The following NSD1 variants were observed in gnomAD, a reference collection of about 807,000 sequenced individuals.
NSD1 encodes the protein histone-lysine N-methyltransferase, H3 lysine-36 specific.
Under a neutral mutation model 242.7 loss-of-function variants are expected in NSD1, and 26 were observed. That is an observed-to-expected ratio of 0.11 (90% CI 0.08 to 0.15). The LOEUF is 0.15. Ranked by LOEUF, NSD1 falls within the 10% of genes least tolerant of loss-of-function variation. The pLI is 1.00. For missense variants in NSD1, 2,495 were observed against 3,272.8 expected (o/e 0.76, Z 5.80); for synonymous variants, 1,106 against 1,178.1 (o/e 0.94, Z 1.25).
chr5:177,209,528 C>CA lies in NSD1; in HGVS notation c.1237-92dup, dbSNP rs560987364. The CA allele has an allele frequency of 0.09, 51,104 of 569,768 alleles. 188 individuals carry two copies. The highest frequency in any genetic ancestry group is 0.11 in the Middle Eastern group (231 of 2,026). The allele number at this position is 569,768 out of a possible 1,614,324, so 35.3% of individuals were successfully genotyped here. ...TGGGCGACAGAGCAAGACTCTGTCT[C>CA]AAAAAAAAAAAAAAAAGGAATAAAA... is the stretch of plus-strand genomic sequence containing the variant. On this transcript the variant is annotated intron_variant, in intron 4 of 22. Coordinates refer to ENST00000439151, the MANE Select transcript of NSD1 (RefSeq NM_022455.5).
At chr5:177,186,228 C>G (rs73345899) in intron 2 of NSD1, among the ~76,000 whole-genome samples, 5,845 of 147,270 alleles carry the variant, frequency 0.04, 392 homozygotes, top group African/African-American at 0.14. Context: ...GAGGTGGAAG[C>G]TGCAATGGGC....
chr5:177,266,420 C>G (rs1027323323), intron 14 of NSD1: 8 of 628,320 alleles, frequency 1.3e-5, no homozygotes, highest in Non-Finnish European at 2.1e-5. Context: ...TCCAGCACCA[C>G]CTTGTCTTTA....
At position 177,299,556 on chromosome 5, in the gene NSD1, C is replaced by T. The variant is rs1760459708; in HGVS notation, c.*4097C>T. The T allele has an allele frequency of 4.3e-6, 1 of 233,208 alleles. No individual in the cohort carries two copies. Among genetic ancestry groups the T allele is most frequent in the African/African-American group, 2.2e-5 (1 of 45,366 alleles). 14.4% of individuals were successfully genotyped at this position (233,208 alleles called of 1,614,324 possible). A position where few individuals can be genotyped will look rare whatever the true frequency, so the allele number is the denominator to read the frequency against. On this transcript the variant is annotated 3_prime_UTR_variant, in exon 23 of 23. Transcript: ENST00000439151. ...TCTCTACCTCTTCCACTCATGGAAG[C>T]CCCTCTACTGCTTATGAAGATTAAG...
rs762327687 is a variant in NSD1, at chr5:177,244,229, C to G, written c.4337C>G (p.Thr1446Ser). Residue 1446 changes from threonine to serine, a missense_variant, in exon 9 of 23, where the codon ACT becomes AGT. Thr to Ser is a moderately conservative substitution (Grantham distance 58, BLOSUM62 1). This residue lies in a region of NSD1 where 100 missense variants were observed against 190.7 expected (regional missense o/e 0.52). Coordinates refer to ENST00000439151, the MANE Select transcript of NSD1 (RefSeq NM_022455.5). The stretch of plus-strand genomic sequence containing the variant: ...GCTGGTCACCTGGAGAATGGCATAA[C>G]TGAATCTTGTGCCACATCTTATTCA... ...YEAGHLENGITESCATSYSKD... is the reference protein window; with the variant it reads ...YEAGHLENGISESCATSYSKD... The G allele has an allele frequency of 1.2e-6, 2 of 1,613,592 alleles. No individual in the cohort carries two copies. Among genetic ancestry groups the G allele is most frequent in the Admixed American group, 3.3e-5 (2 of 60,008 alleles).
intron 4 of NSD1, among the ~76,000 whole-genome samples, chr5:177,206,722 C>T (rs915384366): frequency 3.9e-5 from 6 of 152,098 alleles, no homozygotes; most frequent in South Asian, 2.1e-4. Context: ...AGGGATGTGT[C>T]GGTTATTTTG....
At chr5:177,198,771 C>G (rs1762291705) in intron 3 of NSD1, among the ~76,000 whole-genome samples, 2 of 152,106 alleles carry the variant, frequency 1.3e-5, no homozygotes, top group African/African-American at 4.8e-5. Context: ...GAATTCATAT[C>G]CTTAGTGATA....
intron 17 of NSD1, among the ~76,000 whole-genome samples, chr5:177,275,993 C>G (rs963116495): frequency 2.0e-5 from 3 of 152,204 alleles, no homozygotes; most frequent in Non-Finnish European, 4.4e-5. Flanking sequence ...GCAATTTTGG[C>G]TCACTGCAAC....
Position 177,135,684 on chromosome 5 carries a change from A to G in NSD1, c.581A>G (p.Asn194Ser), listed in dbSNP as rs769401719. The change falls in exon 2 of 23, where the codon AAT (asparagine) becomes AGT (serine). Residue 194 changes from asparagine to serine, a missense_variant. Physicochemically the swap from Asn to Ser is conservative, Grantham distance 46 (BLOSUM62 1). Coordinates refer to ENST00000439151, the MANE Select transcript of NSD1 (RefSeq NM_022455.5). Reference sequence around the variant, plus strand: ...GAAACTCAGACCAATGCCACCTGCAATTATGAGACTAAATCAGAGAATGGT... The same window carrying G: ...GAAACTCAGACCAATGCCACCTGCAGTTATGAGACTAAATCAGAGAATGGT... ...FEETQTNATC[N>S]YETKSENGVK... The G allele has an allele frequency of 9.9e-6, 16 of 1,614,128 alleles. No individual in the cohort carries two copies. In the East Asian group the frequency reaches 1.1e-4, roughly 11 times the overall value.
chr5:177,217,216 C>G (rs1763844446), intron 5 of NSD1, among the ~76,000 whole-genome samples: 1 of 152,064 alleles, frequency 6.6e-6, no homozygotes, highest in African/African-American at 2.4e-5. Context: ...AACCATTTCT[C>G]CTCCTTGGTT....
Position 177,294,625 on chromosome 5 carries a change from A to G in NSD1, c.7257A>G (p.Pro2419=). The change falls in exon 23 of 23, where the codon CCA becomes CCG. Residue 2419 remains proline, a synonymous_variant. Coordinates refer to ENST00000439151, the MANE Select transcript of NSD1 (RefSeq NM_022455.5). ...ATGCCTCTTTGTCCCAGAGACTCCC[A>G]CCTCCTGAGAAAGTACTATCAGCTG... is the stretch of plus-strand genomic sequence containing the variant. ...KPHASLSQRL[P]PPEKVLSAVV... The G allele has an allele frequency of 6.2e-7, 1 of 1,614,068 alleles. No individual in the cohort carries two copies. The highest frequency in any genetic ancestry group is 2.2e-5 in the East Asian group (1 of 44,876).
intron 14 of NSD1, 50 bp downstream of exon 14, chr5:177,260,218 A>G (rs201940301): frequency 6.5e-7 from 1 of 1,547,002 alleles, no homozygotes; most frequent in Admixed American, 1.8e-5. Flanking sequence ...GGATTAAATC[A>G]ATGTTTTAAT....
chr5:177,258,178 C>T (rs1417805799), intron 13 of NSD1, among the ~76,000 whole-genome samples: 1 of 151,488 alleles, frequency 6.6e-6, no homozygotes, highest in Non-Finnish European at 1.5e-5. Flanking sequence ...CAGAGTTTCT[C>T]CATGTTGGTC....
rs570547590 is a variant in NSD1 at position 177,298,426 on chromosome 5, T to G, written c.*2967T>G. 11 of 233,232 alleles carry G rather than the reference T, an allele frequency of 4.7e-5. No individual in the cohort carries two copies. Among genetic ancestry groups the G allele is most frequent in the South Asian group, 1.8e-4 (1 of 5,520 alleles). The allele number at this position is 233,232 out of a possible 1,614,324, so 14.4% of individuals were successfully genotyped here. A position where few individuals can be genotyped will look rare whatever the true frequency, so the allele number is the denominator to read the frequency against. ...TAGCCCTGCTAAGTCAGAAAAAGAT[T>G]ATGAAAAATGTTGAAATTTACATTC... On this transcript the variant is annotated 3_prime_UTR_variant, in exon 23 of 23. Transcript: ENST00000439151.
intron 2 of NSD1, among the ~76,000 whole-genome samples, chr5:177,139,729 A>G (rs981602205): frequency 3.9e-5 from 6 of 152,144 alleles, no homozygotes; most frequent in African/African-American, 1.4e-4. Flanking sequence ...CCGAGACAAA[A>G]GGATTGCTTG....
At chr5:177,251,677 C>T (rs1755981399) in intron 11 of NSD1, 53 bp from the exon 12 acceptor site, 7 of 1,600,158 alleles carry the variant, frequency 4.4e-6, no homozygotes, top group Non-Finnish European at 6.0e-6. Context: ...ACTGGTTTTA[C>T]TCTTGATTCT....
At position 177,210,476 on chromosome 5, in the gene NSD1, A is replaced by G. The variant is rs773782115; in HGVS notation, c.2077A>G (p.Asn693Asp). 1.2e-6 allele frequency: 2 copies of G among 1,614,174 alleles called. No individual in the cohort carries two copies. Among genetic ancestry groups the G allele is most frequent in the Non-Finnish European group, 1.7e-6 (2 of 1,180,020 alleles). Residue 693 changes from asparagine (N) to aspartate (D), a missense_variant, in exon 5 of 23, where the codon AAC becomes GAC. Physicochemically the swap from Asn to Asp is conservative, Grantham distance 23. This residue lies in a region of NSD1 where 515 missense variants were observed against 467.0 expected (regional missense o/e 1.10). Coordinates refer to ENST00000439151, the MANE Select transcript of NSD1 (RefSeq NM_022455.5). Reference protein sequence around the residue: ...KIKYSRFAATNTRVKAKQKPL... With the variant: ...KIKYSRFAATDTRVKAKQKPL... ...AAAGTATTCTAGGTTTGCTGCCACA[A>G]ACACTAGGGTAAAAGCAAAACAGAA... is the stretch of plus-strand genomic sequence containing the variant.
At chr5:177,271,789 A>T (rs1014925832) in intron 16 of NSD1, among the ~76,000 whole-genome samples, 2 of 152,122 alleles carry the variant, frequency 1.3e-5, no homozygotes, top group Non-Finnish European at 2.9e-5. Flanking sequence ...TGGGACCATT[A>T]AAAGGTGAGA....
chr5:177,150,012 C>T (rs1425266021), intron 2 of NSD1, among the ~76,000 whole-genome samples: 1 of 152,180 alleles, frequency 6.6e-6, no homozygotes, highest in Non-Finnish European at 1.5e-5. Context: ...TCTTGGCACA[C>T]TGCAACCTCT....
At chr5:177,154,553 C>T (rs988250957) in intron 2 of NSD1, among the ~76,000 whole-genome samples, 1 of 152,116 alleles carries the variant, frequency 6.6e-6, no homozygotes, top group Non-Finnish European at 1.5e-5. Context: ...TCAGGTAACG[C>T]ACCTCCAATT....
Sources: gnomAD v4.1 joint callset for allele counts (sites outside exome capture counted in the v4.1 genomes callset) on GRCh38, gnomAD v4.1.1 for gene constraint, gnomAD v4.1.1 regional missense constraint, MANE v1.5 for transcripts, NCBI Gene and HGNC (gene_info 2026-07-23, HGNC 2026-07-21) for gene names.